The following DMD variants were observed in gnomAD, a reference collection of about 807,000 sequenced individuals.
DMD encodes the protein dystrophin.
DMD carries 63 observed loss-of-function variants against 330.1 expected under a neutral mutation model. The observed-to-expected ratio is 0.19, with a 90% CI of 0.16 to 0.24. The LOEUF is 0.24. Among genes scored for constraint, DMD ranks in the 10% least tolerant of loss-of-function variants. DMD has a pLI of 1.00. For missense variants in DMD, 3,344 were observed against 2,684.1 expected, an observed-to-expected ratio of 1.25 and a Z score of -5.43; for synonymous variants, 1,223 against 959.8, an observed-to-expected ratio of 1.27 and a Z score of -5.07.
At chrX:32,357,177 C>T (rs2097804555) in intron 37 of DMD, among the ~76,000 whole-genome samples, 1 of 112,213 alleles carries the variant, frequency 8.9e-6, no homozygotes, top group Non-Finnish European at 1.9e-5. Context: ...GCGTGAGCCA[C>T]CGCACCAGGC....
intron 42 of DMD, among the ~76,000 whole-genome samples, chrX:32,301,743 T>C (rs1400287689): frequency 9.0e-6 from 1 of 111,408 alleles, no homozygotes; most frequent in Non-Finnish European, 1.9e-5. Flanking sequence ...TAAATCATTC[T>C]TTGCTTAGAG....
At chrX:32,307,935 A>T (rs1215944749) in intron 42 of DMD, among the ~76,000 whole-genome samples, 1 of 111,242 alleles carries the variant, frequency 9.0e-6, no homozygotes, top group Non-Finnish European at 1.9e-5. Flanking sequence ...TTAACTTTGT[A>T]CATATAAGCA....
intron 47 of DMD, among the ~76,000 whole-genome samples, chrX:31,920,458 TAGAA>T (rs2094674987): frequency 8.9e-6 from 1 of 112,219 alleles, no homozygotes; most frequent in Non-Finnish European, 1.9e-5. Flanking sequence ...ATTAAATTAT[TAGAA>T]AGGAAGGAAA....
At chrX:31,349,949 A>T (rs1251811166) in intron 60 of DMD, among the ~76,000 whole-genome samples, 2 of 111,632 alleles carry the variant, frequency 1.8e-5, no homozygotes, top group Non-Finnish European at 1.9e-5. Flanking sequence ...TGGCCTTCCA[A>T]TATCAATTAA....
At chrX:32,386,103 G>T (rs904393349) in intron 33 of DMD, among the ~76,000 whole-genome samples, 1 of 109,606 alleles carries the variant, frequency 9.1e-6, no homozygotes, top group Non-Finnish European at 1.9e-5. Flanking sequence ...ATTCCACATC[G>T]AAATATGTGT....
intron 55 of DMD, among the ~76,000 whole-genome samples, chrX:31,574,146 G>GTTTTTTTTTTT (rs749028855): frequency 2.6e-5 from 2 of 75,985 alleles, no homozygotes. Flanking sequence ...TTTTTTTTTT[G>GTTTTTTTTTTT]TTTTTTTTTT....
At chrX:32,078,124 A>G (rs1469319080) in intron 44 of DMD, among the ~76,000 whole-genome samples, 1 of 111,840 alleles carries the variant, frequency 8.9e-6, no homozygotes, top group Admixed American at 9.5e-5. Flanking sequence ...AGCATCCCCA[A>G]ACTAGCATGT....
At position 31,120,093 on chromosome X, in the gene DMD, G is replaced by T. The variant is rs112358696; in HGVS notation, c.*1826C>A. The T allele has an allele frequency of 9.0e-6, 1 of 111,143 alleles. No individual in the cohort carries two copies. Among genetic ancestry groups the T allele is most frequent in the Non-Finnish European group, 1.9e-5 (1 of 52,871 alleles). The allele number at this position is 111,143 out of a possible 1,213,427, so 9.2% of individuals were successfully genotyped here. On this transcript the variant is annotated 3_prime_UTR_variant, in exon 79 of 79. Coordinates refer to ENST00000357033, the MANE Select transcript of DMD (RefSeq NM_004006.3). The stretch of plus-strand genomic sequence containing the variant: ...CTTGATGTCAGCCCACTCTCCAAAA[G>T]CTAATTACACTTGATGTCAGAGGTA...
intron 55 of DMD, among the ~76,000 whole-genome samples, chrX:31,574,305 G>A (rs756682079): frequency 5.5e-5 from 6 of 108,184 alleles, no homozygotes; most frequent in Non-Finnish European, 9.6e-5. Flanking sequence ...CACAACACCC[G>A]GCTGATTTTT....
chrX:32,065,287 T>A (rs1283868031), intron 44 of DMD, among the ~76,000 whole-genome samples: 1 of 111,360 alleles, frequency 9.0e-6, no homozygotes, highest in Non-Finnish European at 1.9e-5. Context: ...GTCAGTGCTA[T>A]GTGAACATAT....
In DMD at chrX:32,840,971, G is replaced by A. The variant is rs149278909; in HGVS notation, c.264+3812C>T. On this transcript the variant is annotated intron_variant, in intron 4 of 78. Coordinates refer to ENST00000357033, the MANE Select transcript of DMD (RefSeq NM_004006.3). Reference sequence around the variant, plus strand: ...TGCATTTTCACATTTAGTAGATCATGCCCAACTCTTTAATTAGTTGCCTGA... The same window carrying A: ...TGCATTTTCACATTTAGTAGATCATACCCAACTCTTTAATTAGTTGCCTGA... Among the ~76,000 whole-genome samples the A allele has an allele frequency of 9.8e-5, 11 of 111,793 alleles. No individual in the cohort carries two copies. The East Asian group carries it at 2.8e-3, about 29-fold the overall frequency.
intron 29 of DMD, among the ~76,000 whole-genome samples, chrX:32,435,298 T>TATATATATATATATATATATATATATATA (rs1158324376): frequency 4.9e-5 from 3 of 61,679 alleles, no homozygotes; most frequent in Non-Finnish European, 1.0e-4. Context: ...ATATATATAT[T>TATATATATATATATATATATATATATATA]TACACCCATA....
intron 47 of DMD, among the ~76,000 whole-genome samples, chrX:31,878,912 G>A (rs188685730): frequency 1.3e-4 from 15 of 111,848 alleles, no homozygotes; most frequent in Admixed American, 1.3e-3. Flanking sequence ...GTATACATTT[G>A]TGTACCTCTT....
chrX:32,471,699 C>T (rs2040646275), intron 22 of DMD, among the ~76,000 whole-genome samples: 1 of 111,679 alleles, frequency 9.0e-6, no homozygotes, highest in African/African-American at 3.3e-5. Context: ...GCAAATATTA[C>T]ACCATTCATA....
At chrX:32,378,289 A>C (rs2097911762) in intron 34 of DMD, among the ~76,000 whole-genome samples, 1 of 109,857 alleles carries the variant, frequency 9.1e-6, no homozygotes, top group African/African-American at 3.3e-5. Flanking sequence ...TCTATGCAAG[A>C]ATTTTTTATT....
At chrX:32,223,816 C>T (rs2097139162) in intron 43 of DMD, among the ~76,000 whole-genome samples, 1 of 111,490 alleles carries the variant, frequency 9.0e-6, no homozygotes, top group South Asian at 3.7e-4. Context: ...ATGGCCTGGA[C>T]CATTAATGGG....
intron 1 of DMD, among the ~76,000 whole-genome samples, chrX:33,060,360 C>T (rs770619632): frequency 2.2e-4 from 24 of 111,165 alleles, no homozygotes; most frequent in African/African-American, 7.5e-4. Context: ...TGAGTGTTTT[C>T]TGGCTAAACT....
chrX:32,298,514 C>CATATATATATATATATATAT (rs57786574), intron 42 of DMD, among the ~76,000 whole-genome samples: 7 of 104,495 alleles, frequency 6.7e-5, no homozygotes, highest in African/African-American at 2.7e-4. Flanking sequence ...ATATAAAAGG[C>CATATATATATATATATATAT]ATATATATAT....
intron 1 of DMD, among the ~76,000 whole-genome samples, chrX:33,042,918 C>G (rs1944960975): frequency 9.0e-6 from 1 of 111,513 alleles, no homozygotes; most frequent in Non-Finnish European, 1.9e-5. Flanking sequence ...AGGCAGACAT[C>G]CTTAGTACCC....
Sources: gnomAD v4.1 joint callset for allele counts (sites outside exome capture counted in the v4.1 genomes callset) on GRCh38, gnomAD v4.1.1 for gene constraint, MANE v1.5 for transcripts, NCBI Gene and HGNC (gene_info 2026-07-23, HGNC 2026-07-21) for gene names.